Variants in CDH13 observed in about 807,000 individuals in gnomAD.
CDH13 encodes the protein cadherin-13.
CDH13 carries 24 observed loss-of-function variants against 63.8 expected under a neutral mutation model. The observed-to-expected ratio is 0.38, with a 90% CI of 0.27 to 0.53. CDH13 has a LOEUF of 0.53. CDH13 is among the 20% of genes least tolerant of loss of function. The pLI, the probability that CDH13 is intolerant of heterozygous loss-of-function variation, is 0.85. For missense variants in CDH13, 1,049 were observed against 903.1 expected, an observed-to-expected ratio of 1.16 and a Z score of -2.07; for synonymous variants, 503 against 355.3, an observed-to-expected ratio of 1.42 and a Z score of -4.67.
At chr16:82,660,274 C>G (rs1266567135) in intron 1 of CDH13, among the ~76,000 whole-genome samples, 4 of 151,958 alleles carry the variant, frequency 2.6e-5, no homozygotes, top group Admixed American at 6.6e-5. Flanking sequence ...CAGGCAGATG[C>G]AAGTAAAATG....
In CDH13 at chr16:83,539,922, C is replaced by T. The variant is rs138772654; in HGVS notation, c.960+53267C>T. On this transcript the variant is annotated intron_variant, in intron 7 of 13. Coordinates refer to ENST00000567109, the MANE Select transcript of CDH13 (RefSeq NM_001257.5). Reference sequence around the variant, plus strand: ...ATATCTCCCTGAGGGAGAATTTGAGCGTGATTAATTCCCTGACATTCCATT... The same window carrying T: ...ATATCTCCCTGAGGGAGAATTTGAGTGTGATTAATTCCCTGACATTCCATT... 6.0e-3 allele frequency among the ~76,000 whole-genome samples: 909 copies of T among 152,224 alleles called. 10 individuals are homozygous for T. The highest frequency in any genetic ancestry group is 0.021 in the African/African-American group (866 of 41,520).
intron 5 of CDH13, among the ~76,000 whole-genome samples, chr16:83,264,580 A>G (rs957016387): frequency 2.0e-4 from 30 of 150,786 alleles, no homozygotes; most frequent in Admixed American, 1.1e-3. Context: ...ACATATGTGT[A>G]TATATATATA....
At chr16:82,740,067 T>G (rs1392548456) in intron 1 of CDH13, among the ~76,000 whole-genome samples, 1 of 152,204 alleles carries the variant, frequency 6.6e-6, no homozygotes, top group Non-Finnish European at 1.5e-5. Flanking sequence ...GGACGCCTAT[T>G]ACAACCTGAT....
intron 1 of CDH13, among the ~76,000 whole-genome samples, chr16:82,645,007 G>A (rs957686320): frequency 7.2e-5 from 11 of 152,144 alleles, no homozygotes; most frequent in African/African-American, 2.7e-4. Flanking sequence ...TTTCACAAAT[G>A]AAAGTCTCTG....
chr16:82,917,881 C>T (rs2042037395), intron 2 of CDH13, among the ~76,000 whole-genome samples: 1 of 146,328 alleles, frequency 6.8e-6, no homozygotes, highest in Non-Finnish European at 1.5e-5. Flanking sequence ...CACTACTGCA[C>T]TCCAGCCTGG....
intron 5 of CDH13, among the ~76,000 whole-genome samples, chr16:83,337,587 ACT>A (rs1261282077): frequency 1.6e-5 from 2 of 124,084 alleles, no homozygotes; most frequent in East Asian, 5.0e-4. Flanking sequence ...CATATTATTC[ACT>A]GTTGTCATTT....
rs1358439279 is a variant in CDH13, at chr16:82,817,617, A to G, written c.46-40745A>G. On this transcript the variant is annotated intron_variant, in intron 1 of 13. Coordinates refer to ENST00000567109, the MANE Select transcript of CDH13 (RefSeq NM_001257.5). Reference sequence around the variant, plus strand: ...TCAGGAGTTCAAGACCAGCCTGGCCAAAATGATGAAACCCTGTCTTTGCTA... The same window carrying G: ...TCAGGAGTTCAAGACCAGCCTGGCCGAAATGATGAAACCCTGTCTTTGCTA... Among the ~76,000 whole-genome samples, 14 of 152,278 alleles carry G rather than the reference A, an allele frequency of 9.2e-5. No homozygotes were observed. In the East Asian group the frequency reaches 2.3e-3, roughly 25 times the overall value.
At chr16:82,752,525 C>T (rs2034459878) in intron 1 of CDH13, among the ~76,000 whole-genome samples, 1 of 152,246 alleles carries the variant, frequency 6.6e-6, no homozygotes, top group South Asian at 2.1e-4. Flanking sequence ...TCTAAACTGA[C>T]ATAAGCCCTA....
chr16:83,542,764 A>G (rs1034175313), intron 7 of CDH13, among the ~76,000 whole-genome samples: 3 of 152,120 alleles, frequency 2.0e-5, no homozygotes, highest in Non-Finnish European at 4.4e-5. Flanking sequence ...GTGTCTTCAC[A>G]TTGTTTTCCT....
intron 7 of CDH13, among the ~76,000 whole-genome samples, chr16:83,545,727 T>G (rs2075375369): frequency 6.6e-6 from 1 of 152,172 alleles, no homozygotes; most frequent in Admixed American, 6.5e-5. Flanking sequence ...GTGTCAATAT[T>G]TATATCAAGC....
intron 1 of CDH13, among the ~76,000 whole-genome samples, chr16:82,787,601 A>G (rs1214325151): frequency 1.3e-5 from 2 of 152,226 alleles, no homozygotes; most frequent in African/African-American, 4.8e-5. Context: ...TCACTTCAGA[A>G]TTAGCCTATG....
intron 6 of CDH13, among the ~76,000 whole-genome samples, chr16:83,366,587 A>G (rs932571261): frequency 6.6e-6 from 1 of 152,158 alleles, no homozygotes; most frequent in Non-Finnish European, 1.5e-5. Flanking sequence ...AGCTACCATC[A>G]TTAAGGAAGT....
chr16:82,760,211 G>A (rs745474401), intron 1 of CDH13, among the ~76,000 whole-genome samples: 1 of 152,096 alleles, frequency 6.6e-6, no homozygotes, highest in Non-Finnish European at 1.5e-5. Flanking sequence ...ATAAGCACCC[G>A]GCTCATTGCG....
intron 1 of CDH13, among the ~76,000 whole-genome samples, chr16:82,667,695 GA>G (rs1482793808): frequency 6.6e-6 from 1 of 152,132 alleles, no homozygotes; most frequent in African/African-American, 2.4e-5. Context: ...GTGCACCCAT[GA>G]TGTTTGGTGC....
chr16:82,990,563 T>G (rs1013417866), intron 2 of CDH13, among the ~76,000 whole-genome samples: 1 of 151,204 alleles, frequency 6.6e-6, no homozygotes, highest in African/African-American at 2.4e-5. Context: ...TTTTTTTTTT[T>G]AGAGACAGAG....
intron 4 of CDH13, among the ~76,000 whole-genome samples, chr16:83,183,611 T>A (rs769290378): frequency 2.2e-4 from 33 of 152,348 alleles, no homozygotes; most frequent in Middle Eastern, 6.8e-3. Flanking sequence ...AGTTCTTGTG[T>A]TTCTTTCCAA....
chr16:83,218,765 T>A (rs1171231322), intron 5 of CDH13, among the ~76,000 whole-genome samples: 1 of 152,200 alleles, frequency 6.6e-6, no homozygotes, highest in Non-Finnish European at 1.5e-5. Context: ...AATCTCATCT[T>A]GAATTGTAGC....
At chr16:82,761,032 T>C (rs1239349514) in intron 1 of CDH13, among the ~76,000 whole-genome samples, 1 of 117,906 alleles carries the variant, frequency 8.5e-6, no homozygotes, top group East Asian at 2.3e-4. Context: ...TTTTTTTTTT[T>C]TTTTTTTTTT....
chr16:82,738,045 C>T (rs757574574), intron 1 of CDH13, among the ~76,000 whole-genome samples: 9 of 152,148 alleles, frequency 5.9e-5, no homozygotes, highest in South Asian at 2.1e-4. Flanking sequence ...CAATTACAGG[C>T]GCTGTGTTGT....
Sources: gnomAD v4.1 joint callset for allele counts (sites outside exome capture counted in the v4.1 genomes callset) on GRCh38, gnomAD v4.1.1 for gene constraint, MANE v1.5 for transcripts, NCBI Gene and HGNC (gene_info 2026-07-23, HGNC 2026-07-21) for gene names.